TDRD1: variants seen among roughly 807,000 people sequenced by gnomAD.
TDRD1 encodes the protein tudor domain-containing protein 1.
Under a neutral mutation model 140.6 loss-of-function variants are expected in TDRD1, and 37 were observed. That is an observed-to-expected ratio of 0.26 (90% CI 0.20 to 0.35). The LOEUF (loss-of-function observed/expected upper bound fraction) is 0.35, where lower values mean the gene tolerates loss of function less well. Among genes scored for constraint, TDRD1 ranks in the 10% least tolerant of loss-of-function variants. The probability of loss-of-function intolerance (pLI) is 1.00; values close to 1 mark genes in which losing one functional copy is unlikely to be tolerated. For synonymous variants in TDRD1, 506 were observed against 475.7 expected (o/e 1.06, Z -0.83); for missense variants, 1,243 against 1,393.0 (o/e 0.89, Z 1.71).
exon 19 of TDRD1, chr10:114,220,737 G>C (rs1564691747): frequency 6.2e-7 from 1 of 1,610,476 alleles, no homozygotes; most frequent in Non-Finnish European, 8.5e-7. Flanking sequence ...GTGATGTTCT[G>C]ATTGATGAAC....
chr10:114,206,268 T>C (rs772735503), exon 11 of TDRD1: 5 of 1,613,602 alleles, frequency 3.1e-6, no homozygotes, highest in East Asian at 4.5e-5. Flanking sequence ...CATGTGCTTA[T>C]AGAAATGGGA....
At chr10:114,182,665 A>G (rs2033171797) in intron 1 of TDRD1, among the ~76,000 whole-genome samples, 1 of 151,736 alleles carries the variant, frequency 6.6e-6, no homozygotes, top group Non-Finnish European at 1.5e-5. Context: ...TAGTGCATTT[A>G]AAATAGTTTT....
chr10:114,206,670 A>G (rs2035136964), intron 11 of TDRD1, among the ~76,000 whole-genome samples: 1 of 145,816 alleles, frequency 6.9e-6, no homozygotes. Context: ...CTGGAGTGCA[A>G]TGGCATGGTC....
chr10:114,185,331 A>C (rs1207061087), intron 1 of TDRD1, among the ~76,000 whole-genome samples: 1 of 152,116 alleles, frequency 6.6e-6, no homozygotes, highest in Non-Finnish European at 1.5e-5. Flanking sequence ...CTGGGACTAC[A>C]GGTGCGTGCC....
At chr10:114,210,654 A>G (rs1334941689) in exon 12 of TDRD1, 11 of 1,612,378 alleles carry the variant, frequency 6.8e-6, no homozygotes, top group Non-Finnish European at 9.3e-6. Flanking sequence ...TAATCCCAAA[A>G]GTGTTAACTT....
At chr10:114,203,563 A>G (rs780790657) in exon 8 of TDRD1, 3 of 1,603,764 alleles carry the variant, frequency 1.9e-6, no homozygotes, top group Admixed American at 3.5e-5. Flanking sequence ...TACACTGTTG[A>G]TCAGGTAACC....
At chr10:114,188,692 A>C (rs1215457181) in intron 2 of TDRD1, among the ~76,000 whole-genome samples, 1 of 151,918 alleles carries the variant, frequency 6.6e-6, no homozygotes, top group Admixed American at 6.5e-5. Flanking sequence ...CCCCATCTCT[A>C]CTAAAAATAC....
At chr10:114,186,907 C>T (rs1284783029) in intron 1 of TDRD1, among the ~76,000 whole-genome samples, 1 of 151,880 alleles carries the variant, frequency 6.6e-6, no homozygotes, top group African/African-American at 2.4e-5. Flanking sequence ...TTTTTCTATT[C>T]AAGACCATGT....
chr10:114,178,704 C>G (rs1014995732), upstream of TDRD1, among the ~76,000 whole-genome samples: 84 of 152,132 alleles, frequency 5.5e-4, no homozygotes, highest in African/African-American at 2.0e-3. Context: ...CAGACGTTCG[C>G]TACTTTGTCT....
intron 10 of TDRD1, among the ~76,000 whole-genome samples, 187 bp downstream of exon 10, chr10:114,205,080 G>GC (rs2035013932): frequency 6.6e-6 from 1 of 152,184 alleles, no homozygotes; most frequent in African/African-American, 2.4e-5. Context: ...GAATTAGGTG[G>GC]CTGGCTAGAT....
At chr10:114,214,401 C>T (rs1411004968) in intron 16 of TDRD1, among the ~76,000 whole-genome samples, 1 of 152,124 alleles carries the variant, frequency 6.6e-6, no homozygotes, top group African/African-American at 2.4e-5. Context: ...GTGGCTCACT[C>T]CTATAATCCT....
chr10:114,228,414 A>G, intron 25 of TDRD1: 1 of 1,114,194 alleles, frequency 9.0e-7, no homozygotes, highest in African/African-American at 1.6e-5. Flanking sequence ...TGATATGTGG[A>G]GGGACTTGTA....
intron 10 of TDRD1, among the ~76,000 whole-genome samples, 161 bp downstream of exon 10, chr10:114,205,054 A>G (rs2132997451): frequency 6.6e-6 from 1 of 152,380 alleles, no homozygotes; most frequent in East Asian, 1.9e-4. Context: ...TGTCAAAGAC[A>G]TGACACAAAT....
exon 7 of TDRD1, chr10:114,203,171 A>G: frequency 6.2e-7 from 1 of 1,608,172 alleles, no homozygotes; most frequent in Non-Finnish European, 8.5e-7. Flanking sequence ...AACCATGGAA[A>G]TAAAGGTATT....
At chr10:114,189,671 G>A (rs2033813641) in intron 2 of TDRD1, among the ~76,000 whole-genome samples, 3 of 152,038 alleles carry the variant, frequency 2.0e-5, no homozygotes, top group South Asian at 2.1e-4. Flanking sequence ...GGCTTACTAC[G>A]GCCTCAAACC....
At chr10:114,219,692 A>G (rs920596414) in intron 18 of TDRD1, among the ~76,000 whole-genome samples, 4 of 150,970 alleles carry the variant, frequency 2.6e-5, no homozygotes, top group South Asian at 4.2e-4. Context: ...GATTCAAGCG[A>G]TTCTCCTACC....
At chr10:114,212,361 A>T (rs1233205215) in intron 14 of TDRD1, among the ~76,000 whole-genome samples, 4 of 152,198 alleles carry the variant, frequency 2.6e-5, no homozygotes, top group African/African-American at 9.7e-5. Flanking sequence ...ACATTCCCAC[A>T]GGTGGAACAG....
At chr10:114,204,101 T>C in exon 9 of TDRD1, 3 of 1,607,090 alleles carry the variant, frequency 1.9e-6, no homozygotes, top group Non-Finnish European at 2.5e-6. Flanking sequence ...ATACAAAACG[T>C]TGATGTGCAG....
At position 114,220,798 on chromosome 10, in the gene TDRD1, C is replaced by G. The variant is rs151149867; in HGVS notation, c.2725C>G (p.Leu909Val). ...ACATAAAGACTTACCAAATGACAGA[C>G]TTGTTAATAAACATGAGCTTCAAGT... is the stretch of plus-strand genomic sequence containing the variant. The change falls in exon 19 of 26, where the codon CTT (leucine) becomes GTT (valine). Residue 909 changes from leucine to valine, a missense_variant. Physicochemically the swap from Leu to Val is conservative, Grantham distance 32. Coordinates refer to ENST00000251864, the Ensembl canonical transcript of TDRD1. The G allele has an allele frequency of 8.7e-6, 14 of 1,611,568 alleles. No homozygotes were observed. In the African/African-American group the frequency reaches 1.7e-4, roughly 20 times the overall value.
Sources: gnomAD v4.1 joint callset for allele counts (sites outside exome capture counted in the v4.1 genomes callset) on GRCh38, gnomAD v4.1.1 for gene constraint, MANE v1.5 for transcripts, NCBI Gene and HGNC (gene_info 2026-07-23, HGNC 2026-07-21) for gene names.